CLEC16A: variants seen among roughly 807,000 people sequenced by gnomAD.
CLEC16A encodes the protein protein CLEC16A.
In CLEC16A, 51 loss-of-function variants were observed where a neutral mutation model predicts 109.5. That is an observed-to-expected ratio of 0.47 (90% CI 0.37 to 0.59). CLEC16A has a LOEUF of 0.59. CLEC16A is among the 20% of genes least tolerant of loss of function. The pLI is 0.00. For synonymous variants in CLEC16A, 673 were observed against 564.2 expected (o/e 1.19, Z -2.73); for missense variants, 1,339 against 1,394.0 (o/e 0.96, Z 0.63).
At chr16:11,136,878 C>T (rs966802024) in intron 22 of CLEC16A, among the ~76,000 whole-genome samples, 2 of 152,250 alleles carry the variant, frequency 1.3e-5, no homozygotes, top group Non-Finnish European at 2.9e-5. Context: ...AGCCTCACAA[C>T]AGCTCTGGGA....
At chr16:10,970,207 C>G (rs1596804435) in intron 4 of CLEC16A, among the ~76,000 whole-genome samples, 1 of 152,198 alleles carries the variant, frequency 6.6e-6, no homozygotes, top group Non-Finnish European at 1.5e-5. Context: ...CAGCTGGCAT[C>G]CATCCTCAGG....
chr16:11,032,949 A>G (rs920291447), intron 13 of CLEC16A, among the ~76,000 whole-genome samples: 8 of 152,148 alleles, frequency 5.3e-5, no homozygotes, highest in African/African-American at 1.9e-4. Context: ...GAAGTTTTTA[A>G]AAGAAACGTT....
intron 22 of CLEC16A, among the ~76,000 whole-genome samples, chr16:11,164,211 G>T (rs1473248688): frequency 6.6e-6 from 1 of 152,210 alleles, no homozygotes; most frequent in Non-Finnish European, 1.5e-5. Flanking sequence ...CACGCAAGAG[G>T]AGCTGGTGCT....
intron 22 of CLEC16A, among the ~76,000 whole-genome samples, chr16:11,132,237 C>CCCCCACCCCG (rs958864578): frequency 7.3e-6 from 1 of 136,058 alleles, no homozygotes; most frequent in African/African-American, 2.9e-5. Flanking sequence ...CCCACCCACC[C>CCCCCACCCCG]CCCCCGCCCC....
intron 20 of CLEC16A, among the ~76,000 whole-genome samples, chr16:11,123,111 C>T (rs7203622): frequency 2.6e-5 from 4 of 152,002 alleles, no homozygotes; most frequent in Admixed American, 2.6e-4. Flanking sequence ...ACCCTCTTGG[C>T]CAGGCTGGTC....
intron 16 of CLEC16A, among the ~76,000 whole-genome samples, chr16:11,044,542 T>G (rs1317345332): frequency 6.6e-6 from 1 of 152,240 alleles, no homozygotes; most frequent in Non-Finnish European, 1.5e-5. Flanking sequence ...TAAACCTCTA[T>G]TAACGTTTAT....
At chr16:11,003,040 A>T in intron 10 of CLEC16A, 34 bp from the exon 11 acceptor site, 1 of 1,553,304 alleles carries the variant, frequency 6.4e-7, no homozygotes, top group Non-Finnish European at 8.7e-7. Context: ...TCTAGTGTTC[A>T]AATTCACCTG....
At chr16:11,104,275 A>AT (rs5815613) in intron 19 of CLEC16A, among the ~76,000 whole-genome samples, 77,545 of 150,782 alleles carry the variant, frequency 0.51, 20,146 homozygotes, top group East Asian at 0.65. Flanking sequence ...TACCCAGCTA[A>AT]TTTTTTTTTT....
At chr16:11,143,865 A>G (rs1031562600) in intron 22 of CLEC16A, among the ~76,000 whole-genome samples, 8 of 152,178 alleles carry the variant, frequency 5.3e-5, no homozygotes, top group Non-Finnish European at 8.8e-5. Flanking sequence ...TTGCACAGCT[A>G]GTGCACAGCA....
chr16:11,056,188 CAGT>C (rs1173517538), intron 18 of CLEC16A, among the ~76,000 whole-genome samples: 1 of 152,166 alleles, frequency 6.6e-6, no homozygotes, highest in Admixed American at 6.5e-5. Flanking sequence ...AGAAGGAAAA[CAGT>C]GGTGTCAGTC....
intron 1 of CLEC16A, among the ~76,000 whole-genome samples, chr16:10,951,386 G>GC: frequency 6.6e-6 from 1 of 152,156 alleles, no homozygotes; most frequent in South Asian, 2.1e-4. Flanking sequence ...TCTATTTGGT[G>GC]TTTTTTTAAT....
At position 11,126,149 on chromosome 16, in the gene CLEC16A, G is replaced by A. The variant is rs2052798157; in HGVS notation, c.2641+3G>A. ...TGCATCGGTGGACAAGGTGCCAGGT[G>A]AGCCAGCCCCCCGCCCTGCGCCACA... On this transcript the variant is annotated splice_donor_region_variant and intron_variant, in intron 22 of 23. Transcript: ENST00000409790. The A allele has an allele frequency of 6.2e-7, 1 of 1,613,686 alleles. No individual in the cohort carries two copies. Among genetic ancestry groups the A allele is most frequent in the Non-Finnish European group, 8.5e-7 (1 of 1,179,868 alleles).
intron 19 of CLEC16A, among the ~76,000 whole-genome samples, chr16:11,075,944 C>G (rs142426461): frequency 1.3e-5 from 2 of 152,308 alleles, no homozygotes; most frequent in East Asian, 3.9e-4. Context: ...AGTTATTCAG[C>G]CAAACCTTGG....
chr16:11,162,979 C>G (rs918352473), intron 22 of CLEC16A, among the ~76,000 whole-genome samples: 1 of 152,226 alleles, frequency 6.6e-6, no homozygotes, highest in African/African-American at 2.4e-5. Context: ...AGAGCCAAGA[C>G]TGTTATCACT....
intron 22 of CLEC16A, among the ~76,000 whole-genome samples, chr16:11,134,043 C>T (rs1304608476): frequency 6.6e-6 from 1 of 152,156 alleles, no homozygotes; most frequent in Non-Finnish European, 1.5e-5. Flanking sequence ...GAAGATGTTA[C>T]CATTTTCCCT....
At chr16:11,049,940 G>A (rs557323634) in intron 17 of CLEC16A, among the ~76,000 whole-genome samples, 6 of 152,350 alleles carry the variant, frequency 3.9e-5, no homozygotes, top group Non-Finnish European at 2.9e-5. Context: ...AAAAGAAGAA[G>A]GCAAGCAGCA....
At chr16:11,104,832 C>A (rs1477937039) in intron 19 of CLEC16A, among the ~76,000 whole-genome samples, 2 of 152,190 alleles carry the variant, frequency 1.3e-5, no homozygotes, top group East Asian at 3.9e-4. Context: ...ACAGTAGCCC[C>A]ATAGCCCTAG....
chr16:11,133,952 C>A (rs2053400769), intron 22 of CLEC16A, among the ~76,000 whole-genome samples: 1 of 152,102 alleles, frequency 6.6e-6, no homozygotes, highest in South Asian at 2.1e-4. Flanking sequence ...TACCCTCAGG[C>A]CTTTTATAAA....
intron 10 of CLEC16A, among the ~76,000 whole-genome samples, chr16:10,985,547 CTTT>C (rs61260965): frequency 4.2e-5 from 6 of 144,554 alleles, no homozygotes; most frequent in Admixed American, 1.4e-4. Context: ...TCCCTCGGGA[CTTT>C]TTTTTTTTTT....
Sources: gnomAD v4.1 joint callset for allele counts (sites outside exome capture counted in the v4.1 genomes callset) on GRCh38, gnomAD v4.1.1 for gene constraint, MANE v1.5 for transcripts, NCBI Gene and HGNC (gene_info 2026-07-23, HGNC 2026-07-21) for gene names.